The following C1orf35 variants were observed in gnomAD, a reference collection of about 807,000 sequenced individuals.
C1orf35 encodes the protein multiple myeloma tumor-associated protein 2.
In C1orf35, 36 loss-of-function variants were observed where a neutral mutation model predicts 30.9. The observed-to-expected ratio is 1.16, with a 90% CI of 0.89 to 1.54. C1orf35 has a LOEUF of 1.54. Among genes scored for constraint, C1orf35 ranks in the 40% most tolerant of loss-of-function variants. The pLI is 0.00. For missense variants in C1orf35, 396 were observed against 358.7 expected (o/e 1.10, Z -0.84); for synonymous variants, 179 against 148.2 (o/e 1.21, Z -1.51).
In C1orf35 at chr1:228,102,575, G is replaced by C; in HGVS notation, c.292-15C>G. On this transcript the variant is annotated splice_polypyrimidine_tract_variant and intron_variant, in intron 3 of 7. Coordinates refer to ENST00000272139, the MANE Select transcript of C1orf35 (RefSeq NM_024319.4). Reference sequence around the variant, plus strand: ...TCCGCGAAGTCCTGCAGGTGCGAGAGCACAGGGAGCGCTCGAGTCGGCCCC... The same window carrying C: ...TCCGCGAAGTCCTGCAGGTGCGAGACCACAGGGAGCGCTCGAGTCGGCCCC... 1 of 1,569,698 alleles carries C rather than the reference G, an allele frequency of 6.4e-7. No individual in the cohort carries two copies. The highest frequency in any genetic ancestry group is 8.6e-7 in the Non-Finnish European group (1 of 1,161,002).
At position 228,101,158 on chromosome 1, in the gene C1orf35, C is replaced by A. The variant is rs774557667; in HGVS notation, c.765G>T (p.Arg255Ser). ...AGGCCTCAGAGCCTCTGTCATGCCA[C>A]CTGCGAGACGGGCTCCTCCTGTCCC... is the stretch of plus-strand genomic sequence containing the variant. ...HSGDRRSPSRRWHDRGSEA is the reference protein window; with the variant it reads ...HSGDRRSPSRSWHDRGSEA Residue 255 changes from arginine to serine, a missense_variant, in exon 8 of 8, where the codon AGG becomes AGT. Physicochemically the swap from Arg to Ser is moderately radical, Grantham distance 110. Transcript: ENST00000272139. The A allele has an allele frequency of 9.3e-6, 15 of 1,613,862 alleles. No homozygotes were observed. The highest frequency in any genetic ancestry group is 1.3e-5 in the Non-Finnish European group (15 of 1,180,054).
At chr1:228,101,656 A>G in intron 6 of C1orf35, 183 bp from the exon 7 acceptor site, 2 of 1,452,406 alleles carry the variant, frequency 1.4e-6, no homozygotes, top group Non-Finnish European at 9.0e-7. Context: ...TGGGTTAGAA[A>G]CAGATGCAAT....
rs1398079277 is a variant in C1orf35, at chr1:228,101,400, T to C, written c.607A>G (p.Lys203Glu). Residue 203 changes from lysine to glutamate, a missense_variant, in exon 7 of 8, where the codon AAG (lysine) becomes GAG (glutamate). Transcript: ENST00000272139. The part of the protein sequence containing the change: ...KKRKHKKEKK[K>E]KDKEHRRPAE... ...GGCCGCCTGTGCTCTTTGTCTTTCT[T>C]CTTCTTCTCTTTCTTGTGTTTCCTC... The C allele has an allele frequency of 3.1e-6, 5 of 1,613,972 alleles. No individual in the cohort carries two copies. The highest frequency in any genetic ancestry group is 4.2e-6 in the Non-Finnish European group (5 of 1,179,976).
chr1:228,101,068 G>C lies in C1orf35; in HGVS notation c.*63C>G, dbSNP rs552914777. Reference sequence around the variant, plus strand: ...CCACACCCAAGGAGCTTCCGAGGCAGGAGGCAAGCAAGGTGAAGGGAGGGT... The same window carrying C: ...CCACACCCAAGGAGCTTCCGAGGCACGAGGCAAGCAAGGTGAAGGGAGGGT... On this transcript the variant is annotated 3_prime_UTR_variant, in exon 8 of 8. Transcript: ENST00000272139. 1.5e-4 allele frequency: 241 copies of C among 1,597,848 alleles called. No homozygotes were observed. Among genetic ancestry groups the C allele is most frequent in the Non-Finnish European group, 2.0e-4 (238 of 1,176,472 alleles).
In C1orf35 at chr1:228,102,378, A is replaced by T. The variant is rs2032993540; in HGVS notation, c.379T>A (p.Ser127Thr). 3.1e-6 allele frequency: 5 copies of T among 1,610,428 alleles called. No homozygotes were observed. Among genetic ancestry groups the T allele is most frequent in the Non-Finnish European group, 4.2e-6 (5 of 1,179,460 alleles). The change falls in exon 5 of 8, where the codon TCC becomes ACC. Residue 127 changes from serine (S) to threonine (T), a missense_variant. By Grantham distance (58) the Ser-to-Thr change is moderately conservative. Transcript: ENST00000272139. Reference protein sequence around the residue: ...RLLGLGSASGSVGRVAMSRED... With the variant: ...RLLGLGSASGTVGRVAMSRED... The stretch of plus-strand genomic sequence containing the variant: ...CGGGACATCGCCACGCGGCCCACGG[A>T]GCCACTGCAGGGACATGGCGATGAA...
chr1:228,102,340 C>T lies in C1orf35; in HGVS notation c.417G>A (p.Glu139=). The T allele has an allele frequency of 1.9e-6, 3 of 1,611,630 alleles. No homozygotes were observed. Among genetic ancestry groups the T allele is most frequent in the South Asian group, 2.2e-5 (2 of 91,056 alleles). The change falls in exon 5 of 8, where the codon GAG becomes GAA. Residue 139 remains glutamate, a synonymous_variant. Coordinates refer to ENST00000272139, the MANE Select transcript of C1orf35 (RefSeq NM_024319.4). ...ACACAGACAGCCCCAGTTTGGCGGC[C>T]TCCTTGTCCTCTCGGGACATCGCCA... ...GRVAMSREDK[E]AAKLGLSVFT...
intron 6 of C1orf35, 153 bp downstream of exon 6, chr1:228,101,927 C>G (rs949475541): frequency 2.1e-6 from 3 of 1,425,656 alleles, no homozygotes; most frequent in African/African-American, 2.9e-5. Context: ...AGAGAAAAAC[C>G]TAGGAGTAAC....
Position 228,101,219 on chromosome 1 carries a change from G to T in C1orf35, c.704C>A (p.Ser235Tyr). 1 of 1,614,190 alleles carries T rather than the reference G, an allele frequency of 6.2e-7. No homozygotes were observed. ...RHHHHDSDSN[S>Y]PCCKRRKRGH... Reference sequence around the variant, plus strand: ...CCGCTTCCTCCTCTTACAGCAGGGGGAGTTGGAGTCGGAGTCATGGTGGTG... The same window carrying T: ...CCGCTTCCTCCTCTTACAGCAGGGGTAGTTGGAGTCGGAGTCATGGTGGTG... Residue 235 changes from serine to tyrosine, a missense_variant, in exon 8 of 8, where the codon TCC (serine) becomes TAC (tyrosine). Ser to Tyr is a moderately radical substitution (Grantham distance 144). Coordinates refer to ENST00000272139, the MANE Select transcript of C1orf35 (RefSeq NM_024319.4).
chr1:228,102,825 T>G, intron 2 of C1orf35, 74 bp downstream of exon 2: 1 of 677,876 alleles, frequency 1.5e-6, no homozygotes, highest in Non-Finnish European at 2.0e-6. Flanking sequence ...CGACCCCCAG[T>G]CCCCGGCCCC....
In C1orf35 at chr1:228,103,253, G is replaced by A. The variant is rs1231424659; in HGVS notation, c.-26C>T. On this transcript the variant is annotated 5_prime_UTR_variant, in exon 1 of 8. Transcript: ENST00000272139. ...GGCGCCGGGAAGGCAGTTGCCTGGG[G>A]CCTGCGGCTTGCAACCTGCAACCCG... 2.5e-6 allele frequency: 4 copies of A among 1,606,702 alleles called. No individual in the cohort carries two copies. Among genetic ancestry groups the A allele is most frequent in the African/African-American group, 1.3e-5 (1 of 74,468 alleles).
In C1orf35 at chr1:228,101,033, C is replaced by T. The variant is rs537352729; in HGVS notation, c.*98G>A. On this transcript the variant is annotated 3_prime_UTR_variant, in exon 8 of 8. Transcript: ENST00000272139. ...AGAGCCACTTCCACAGGAGCAGCCT[C>T]GGGCTTCACCCACACCCAAGGAGCT... The T allele has an allele frequency of 7.7e-5, 119 of 1,545,782 alleles. No individual in the cohort carries two copies. Among genetic ancestry groups the T allele is most frequent in the South Asian group, 2.7e-4 (23 of 86,290 alleles).
chr1:228,102,241 C>T, intron 5 of C1orf35, 69 bp downstream of exon 5: 1 of 1,576,698 alleles, frequency 6.3e-7, no homozygotes, highest in Non-Finnish European at 8.6e-7. Flanking sequence ...CCGGGGAGCT[C>T]CGTTCAGTGC....
Position 228,103,069 on chromosome 1 carries a change from G to C in C1orf35, c.95-20C>G, listed in dbSNP as rs758719684. 11 of 1,604,734 alleles carry C rather than the reference G, an allele frequency of 6.9e-6. No homozygotes were observed. Among genetic ancestry groups the C allele is most frequent in the Non-Finnish European group, 6.8e-6 (8 of 1,176,530 alleles). On this transcript the variant is annotated intron_variant, in intron 1 of 7. Transcript: ENST00000272139. ...AGTTGCCTGCGGACGTAGACGCTGT[G>C]AGTCCAGCGCCCGCCCGGGATCCCG... is the stretch of plus-strand genomic sequence containing the variant.
chr1:228,101,918 G>A (rs1410680679), intron 6 of C1orf35, 162 bp downstream of exon 6: 4 of 1,423,054 alleles, frequency 2.8e-6, no homozygotes, highest in African/African-American at 1.5e-5. Flanking sequence ...AACTCCCCTA[G>A]AGAAAAACCT....
chr1:228,102,589 C>G (rs757989264), intron 3 of C1orf35, 29 bp from the exon 4 acceptor site: 22 of 1,577,344 alleles, frequency 1.4e-5, no homozygotes, highest in Non-Finnish European at 1.8e-5. Flanking sequence ...AGGGAGCGCT[C>G]GAGTCGGCCC....
intron 6 of C1orf35, chr1:228,101,783 G>A: frequency 7.1e-7 from 1 of 1,409,658 alleles, no homozygotes; most frequent in East Asian, 2.6e-5. Context: ...TCACCATCCA[G>A]GAGAAGCCCT....
chr1:228,102,803 T>TTGCCCCC, intron 2 of C1orf35, 96 bp downstream of exon 2: 2 of 1,187,496 alleles, frequency 1.7e-6, no homozygotes, highest in African/African-American at 1.7e-5. Flanking sequence ...GCAGCCCCGC[T>TTGCCCCC]CCCGCCCAGC....
intron 1 of C1orf35, 30 bp from the exon 2 acceptor site, chr1:228,103,079 C>T (rs1405359139): frequency 6.8e-6 from 11 of 1,605,924 alleles, no homozygotes; most frequent in Non-Finnish European, 8.5e-6. Context: ...GAGTCCAGCG[C>T]CCGCCCGGGA....
In C1orf35 at chr1:228,100,776, G is replaced by C; in HGVS notation, c.*355C>G. The stretch of plus-strand genomic sequence containing the variant: ...TTGAAATACAAAGAGTCAATATAAA[G>C]AAAAATAGAGGTCACCATACTTGGC... On this transcript the variant is annotated 3_prime_UTR_variant, in exon 8 of 8. Coordinates refer to ENST00000272139, the MANE Select transcript of C1orf35 (RefSeq NM_024319.4). 4.2e-6 allele frequency: 1 copy of C among 240,194 alleles called. No individual in the cohort carries two copies. Among genetic ancestry groups the C allele is most frequent in the Non-Finnish European group, 8.1e-6 (1 of 123,042 alleles). 14.9% of individuals were successfully genotyped at this position (240,194 alleles called of 1,614,324 possible). A position where few individuals can be genotyped will look rare whatever the true frequency, so the allele number is the denominator to read the frequency against.
Sources: gnomAD v4.1 joint callset for allele counts on GRCh38, gnomAD v4.1.1 for gene constraint, MANE v1.5 for transcripts, NCBI Gene and HGNC (gene_info 2026-07-23, HGNC 2026-07-21) for gene names.